ERC2: variants seen among roughly 807,000 people sequenced by gnomAD.
ERC2 encodes ERC protein 2.
A neutral mutation model predicts 114.8 loss-of-function variants in ERC2; 42 were observed. That is an observed-to-expected ratio of 0.37 (90% CI 0.29 to 0.47). The LOEUF is 0.47. ERC2 is among the 20% of genes least tolerant of loss of function. The pLI is 0.99. For synonymous variants in ERC2, 454 were observed against 425.5 expected, an observed-to-expected ratio of 1.07 and a Z score of -0.82; for missense variants, 939 against 1,150.7, an observed-to-expected ratio of 0.82 and a Z score of 2.66.
At chr3:56,070,276 G>C (rs1425685662) in intron 7 of ERC2, among the ~76,000 whole-genome samples, 1 of 152,156 alleles carries the variant, frequency 6.6e-6, no homozygotes, top group Non-Finnish European at 1.5e-5. Context: ...ATCATCTGCA[G>C]ACTGAAATAT....
intron 17 of ERC2, among the ~76,000 whole-genome samples, chr3:55,626,732 C>T (rs1163232171): frequency 6.6e-6 from 1 of 152,198 alleles, no homozygotes; most frequent in African/African-American, 2.4e-5. Context: ...AATGACTTTA[C>T]CCACCATAGA....
chr3:55,795,321 T>A (rs2070384699), intron 14 of ERC2, among the ~76,000 whole-genome samples: 1 of 152,170 alleles, frequency 6.6e-6, no homozygotes, highest in South Asian at 2.1e-4. Flanking sequence ...TTCTCTTTAA[T>A]GGTTGCCAGA....
At chr3:55,905,747 G>GC (rs534117966) in intron 13 of ERC2, among the ~76,000 whole-genome samples, 123 of 152,208 alleles carry the variant, frequency 8.1e-4, no homozygotes, top group African/African-American at 2.8e-3. Flanking sequence ...TGCAACCCTT[G>GC]CCTTGTAGAA....
chr3:56,442,219 TA>T (rs1302135701), intron 1 of ERC2, among the ~76,000 whole-genome samples: 1 of 151,860 alleles, frequency 6.6e-6, no homozygotes, highest in African/African-American at 2.4e-5. Context: ...CCTAAAGAAG[TA>T]TTTTTTTATT....
At chr3:55,916,325 T>A (rs2065091804) in intron 13 of ERC2, among the ~76,000 whole-genome samples, 1 of 152,186 alleles carries the variant, frequency 6.6e-6, no homozygotes, top group Admixed American at 6.5e-5. Context: ...GTTTATTGCC[T>A]TGCTGACAGA....
At chr3:56,447,741 G>A (rs1038963525) in intron 1 of ERC2, among the ~76,000 whole-genome samples, 3 of 151,622 alleles carry the variant, frequency 2.0e-5, no homozygotes, top group South Asian at 2.1e-4. Flanking sequence ...AATTGCACAC[G>A]TTAATTGATT....
intron 12 of ERC2, among the ~76,000 whole-genome samples, chr3:55,978,254 A>G (rs1435509533): frequency 2.0e-5 from 3 of 152,318 alleles, no homozygotes; most frequent in African/African-American, 2.4e-5. Context: ...AAAATTTAAA[A>G]TAAGTCCTTA....
chr3:56,296,734 G>A (rs941852346), intron 2 of ERC2, among the ~76,000 whole-genome samples: 5 of 152,136 alleles, frequency 3.3e-5, no homozygotes, highest in South Asian at 2.1e-4. Context: ...TTTTAATTTA[G>A]GAAATGGAAA....
intron 3 of ERC2, among the ~76,000 whole-genome samples, chr3:56,239,339 A>G (rs1425719909): frequency 6.6e-6 from 1 of 152,108 alleles, no homozygotes; most frequent in Non-Finnish European, 1.5e-5. Context: ...CAACATGGTG[A>G]AACCCTGTCA....
intron 14 of ERC2, among the ~76,000 whole-genome samples, chr3:55,819,423 C>T (rs895105819): frequency 1.3e-5 from 2 of 152,180 alleles, no homozygotes; most frequent in African/African-American, 2.4e-5. Flanking sequence ...CAAGTCTATA[C>T]ATGAAAACTC....
chr3:55,920,181 C>G (rs1426671587), intron 13 of ERC2, among the ~76,000 whole-genome samples: 1 of 151,980 alleles, frequency 6.6e-6, no homozygotes, highest in East Asian at 1.9e-4. Context: ...TATTTTATCT[C>G]TTTAAAAATG....
At chr3:56,068,646 A>G (rs538791931) in intron 7 of ERC2, among the ~76,000 whole-genome samples, 1 of 152,184 alleles carries the variant, frequency 6.6e-6, no homozygotes, top group South Asian at 2.1e-4. Flanking sequence ...TACAGTGTCA[A>G]TTTGAGATCT....
chr3:55,681,394 T>TA (rs1207388510), intron 17 of ERC2, among the ~76,000 whole-genome samples: 1 of 152,230 alleles, frequency 6.6e-6, no homozygotes, highest in Non-Finnish European at 1.5e-5. Flanking sequence ...GTTTCTTTTA[T>TA]AGGGGCCATA....
At position 55,510,046 on chromosome 3, in the gene ERC2, T is replaced by C. The variant is rs147283517; in HGVS notation, c.*1270A>G. 771 of 152,748 alleles carry C rather than the reference T, an allele frequency of 5.0e-3. 2 individuals are homozygous for C. Among genetic ancestry groups the C allele is most frequent in the Non-Finnish European group, 7.9e-3 (537 of 68,026 alleles). The allele number at this position is 152,748 out of a possible 1,614,324, so 9.5% of individuals were successfully genotyped here. On this transcript the variant is annotated 3_prime_UTR_variant, in exon 18 of 18. Transcript: ENST00000288221. ...GTTTCTTAATATTCAGAGGAAGCAG[T>C]AGGAGTTTAATTCTCCTTAGTACCA...
intron 17 of ERC2, among the ~76,000 whole-genome samples, chr3:55,610,064 C>CAAAA (rs36088271): frequency 5.1e-4 from 61 of 118,490 alleles, no homozygotes; most frequent in East Asian, 1.1e-3. Flanking sequence ...CAAACACAAA[C>CAAAA]AAAAAAAAAA....
intron 3 of ERC2, among the ~76,000 whole-genome samples, chr3:56,220,362 C>T (rs1026166319): frequency 2.3e-4 from 35 of 152,178 alleles, no homozygotes; most frequent in African/African-American, 8.0e-4. Flanking sequence ...GGAAACGCTG[C>T]CTACAATATG....
intron 1 of ERC2, among the ~76,000 whole-genome samples, chr3:56,447,151 C>T (rs1260705984): frequency 6.6e-6 from 1 of 152,228 alleles, no homozygotes; most frequent in African/African-American, 2.4e-5. Flanking sequence ...ATAGCATCCG[C>T]TACACCCCCA....
At chr3:56,220,371 T>C (rs1460034746) in intron 3 of ERC2, among the ~76,000 whole-genome samples, 1 of 152,122 alleles carries the variant, frequency 6.6e-6, no homozygotes, top group Non-Finnish European at 1.5e-5. Context: ...GCCTACAATA[T>C]GGGTCTGCTG....
intron 15 of ERC2, among the ~76,000 whole-genome samples, chr3:55,713,316 T>G (rs1291662698): frequency 6.6e-6 from 1 of 152,078 alleles, no homozygotes; most frequent in African/African-American, 2.4e-5. Flanking sequence ...GTTCAAGCAA[T>G]TCTCCTGCCT....
Sources: gnomAD v4.1 joint callset for allele counts (sites outside exome capture counted in the v4.1 genomes callset) on GRCh38, gnomAD v4.1.1 for gene constraint, MANE v1.5 for transcripts, NCBI Gene and HGNC (gene_info 2026-07-23, HGNC 2026-07-21) for gene names.